PHACTR4: variants seen among roughly 807,000 people sequenced by gnomAD.
The protein encoded by PHACTR4 is protein phosphatase 1, regulatory subunit 124.
PHACTR4 carries 51 observed loss-of-function variants against 72.7 expected under a neutral mutation model. The observed-to-expected ratio is 0.70, with a 90% CI of 0.56 to 0.89. The LOEUF (loss-of-function observed/expected upper bound fraction) is 0.89, where lower values mean the gene tolerates loss of function less well. PHACTR4 is among the 40% of genes least tolerant of loss of function. The pLI is 0.00. For missense variants in PHACTR4, 731 were observed against 861.8 expected, an observed-to-expected ratio of 0.85 and a Z score of 1.90; for synonymous variants, 255 against 302.5, an observed-to-expected ratio of 0.84 and a Z score of 1.63.
At position 28,476,125 on chromosome 1, in the gene PHACTR4, AGAG is replaced by A. The variant is rs751366844; in HGVS notation, c.1444_1446del (p.Glu482del). ...TTGTTAGTCCAGACGATGAAGAAGAAGAGGAGCAAACCTGTCCATCCACATTCA... is the reference window on the plus strand; with the variant it reads ...TTGTTAGTCCAGACGATGAAGAAGAAGAGCAAACCTGTCCATCCACATTCA... On this transcript the variant is annotated inframe_deletion, in exon 8 of 14. Transcript: ENST00000373839. 2 of 1,604,342 alleles carry A rather than the reference AGAG, an allele frequency of 1.2e-6. No individual in the cohort carries two copies. Among genetic ancestry groups the A allele is most frequent in the Non-Finnish European group, 1.7e-6 (2 of 1,177,724 alleles).
chr1:28,479,419 CAAAAA>C lies in PHACTR4; in HGVS notation c.1607-1019_1607-1015del, dbSNP rs1019186726. ...GGGGTCACAGAGCGAGACTCTGTCGCAAAAAAAAAAAAAAAAAGCCAGGCATGGTG... is the reference window on the plus strand; with the variant it reads ...GGGGTCACAGAGCGAGACTCTGTCGCAAAAAAAAAAAAGCCAGGCATGGTG... On this transcript the variant is annotated intron_variant, in intron 8 of 13. Coordinates refer to ENST00000373839, the MANE Select transcript of PHACTR4 (RefSeq NM_001048183.3). 2.1e-3 allele frequency among the ~76,000 whole-genome samples: 129 copies of C among 61,584 alleles called. 2 individuals carry two copies. In the East Asian group the frequency reaches 0.056, roughly 27 times the overall value. 40.4% of individuals were successfully genotyped at this position (61,584 alleles called of 152,430 possible). A position where few individuals can be genotyped will look rare whatever the true frequency, so the allele number is the denominator to read the frequency against.
intron 2 of PHACTR4, among the ~76,000 whole-genome samples, chr1:28,408,521 T>G (rs1326099283): frequency 6.6e-6 from 1 of 152,108 alleles, no homozygotes; most frequent in African/African-American, 2.4e-5. Flanking sequence ...ATCATGCCAC[T>G]GCACTCCAGC....
At chr1:28,490,182 A>G (rs1286639260) in intron 10 of PHACTR4, among the ~76,000 whole-genome samples, 3 of 152,188 alleles carry the variant, frequency 2.0e-5, no homozygotes, top group African/African-American at 7.2e-5. Flanking sequence ...GTGGTGCCAT[A>G]GTTTGCTGAC....
chr1:28,496,395 A>G, intron 13 of PHACTR4, 139 bp from the exon 14 acceptor site: 1 of 897,610 alleles, frequency 1.1e-6, no homozygotes, highest in Non-Finnish European at 1.8e-6. Context: ...GGAGTATCAG[A>G]TGCAACAGAA....
chr1:28,473,599 C>T lies in PHACTR4; in HGVS notation c.869C>T (p.Pro290Leu), dbSNP rs200234997. Residue 290 changes from proline to leucine, a missense_variant, in exon 7 of 14, where the codon CCG becomes CTG. Pro to Leu is a moderately conservative substitution (Grantham distance 98). Coordinates refer to ENST00000373839, the MANE Select transcript of PHACTR4 (RefSeq NM_001048183.3). ...AINSGTLLSK[P>L]SPPLPPKRGI... Reference sequence around the variant, plus strand: ...AACAGTGGTACATTGTTATCAAAACCGTCCCCACCCTTACCACCTAAGAGA... The same window carrying T: ...AACAGTGGTACATTGTTATCAAAACTGTCCCCACCCTTACCACCTAAGAGA... The T allele has an allele frequency of 1.6e-4, 252 of 1,613,480 alleles. No individual in the cohort carries two copies. The highest frequency in any genetic ancestry group is 1.9e-4 in the Non-Finnish European group (229 of 1,179,724).
chr1:28,425,139 AG>A (rs1179219089), intron 2 of PHACTR4, among the ~76,000 whole-genome samples: 2 of 151,750 alleles, frequency 1.3e-5, no homozygotes, highest in Non-Finnish European at 1.5e-5. Context: ...CTTTATTTTG[AG>A]ACAGAGTCTC....
At chr1:28,426,767 C>G (rs1241100409) in intron 2 of PHACTR4, among the ~76,000 whole-genome samples, 1 of 150,272 alleles carries the variant, frequency 6.7e-6, no homozygotes, top group African/African-American at 2.5e-5. Flanking sequence ...CCACTGGTCT[C>G]AAACTCCTGG....
At chr1:28,390,718 CA>C (rs1305377500) in intron 1 of PHACTR4, among the ~76,000 whole-genome samples, 2 of 151,900 alleles carry the variant, frequency 1.3e-5, no homozygotes, top group Admixed American at 1.3e-4. Flanking sequence ...ACTTGAACCC[CA>C]GGGGTGGAGG....
Position 28,497,720 on chromosome 1 carries a change from C to T in PHACTR4, c.*1171C>T, listed in dbSNP as rs1412972680. On this transcript the variant is annotated 3_prime_UTR_variant, in exon 14 of 14. Coordinates refer to ENST00000373839, the MANE Select transcript of PHACTR4 (RefSeq NM_001048183.3). ...AAAAAAAAAAAGCCTTAGCCAGATTCAGTGGCTCACGCCTGTAATCCCAAC... is the reference window on the plus strand; with the variant it reads ...AAAAAAAAAAAGCCTTAGCCAGATTTAGTGGCTCACGCCTGTAATCCCAAC... 6.9e-6 allele frequency: 1 copy of T among 144,832 alleles called. No individual in the cohort carries two copies. Among genetic ancestry groups the T allele is most frequent in the Non-Finnish European group, 1.5e-5 (1 of 66,592 alleles). The allele number at this position is 144,832 out of a possible 1,614,324, so 9.0% of individuals were successfully genotyped here.
intron 2 of PHACTR4, among the ~76,000 whole-genome samples, chr1:28,447,554 T>A (rs1040800700): frequency 6.6e-6 from 1 of 151,872 alleles, no homozygotes; most frequent in African/African-American, 2.4e-5. Context: ...CATGCCTGGC[T>A]ATGTATTTCG....
chr1:28,458,170 C>G (rs545760925), intron 2 of PHACTR4, among the ~76,000 whole-genome samples: 1 of 150,472 alleles, frequency 6.6e-6, no homozygotes, highest in Non-Finnish European at 1.5e-5. Context: ...GAGACAGGCT[C>G]TCACTCTGTT....
At chr1:28,492,516 C>T (rs1158075962) in intron 12 of PHACTR4, among the ~76,000 whole-genome samples, 1 of 151,196 alleles carries the variant, frequency 6.6e-6, no homozygotes, top group African/African-American at 2.4e-5. Flanking sequence ...AATCCCAGCA[C>T]TTTGGGAGGC....
intron 1 of PHACTR4, among the ~76,000 whole-genome samples, chr1:28,402,499 C>G (rs1443863992): frequency 6.6e-6 from 1 of 152,030 alleles, no homozygotes; most frequent in Non-Finnish European, 1.5e-5. Context: ...TGTCTGTAAT[C>G]CCAACACTTT....
intron 1 of PHACTR4, among the ~76,000 whole-genome samples, chr1:28,392,494 C>G (rs1456560712): frequency 6.6e-6 from 1 of 151,902 alleles, no homozygotes; most frequent in Non-Finnish European, 1.5e-5. Context: ...CCTCCACCTC[C>G]TGAGCTCAAA....
intron 8 of PHACTR4, among the ~76,000 whole-genome samples, chr1:28,476,793 G>T (rs1398975411): frequency 4.9e-5 from 3 of 61,634 alleles, no homozygotes; most frequent in African/African-American, 2.6e-4. Flanking sequence ...TTTTTGAGAC[G>T]GAGTTTTGCT....
intron 9 of PHACTR4, among the ~76,000 whole-genome samples, chr1:28,487,730 T>TTTG (rs1557849807): frequency 1.5e-5 from 1 of 66,240 alleles, no homozygotes; most frequent in African/African-American, 6.2e-5. Flanking sequence ...TTTTGTTGTT[T>TTTG]TTTTTTTTTT....
intron 5 of PHACTR4, 139 bp downstream of exon 5, chr1:28,465,988 C>A: frequency 1.2e-6 from 1 of 846,278 alleles, no homozygotes. Context: ...CTAGCAACTT[C>A]AAGGGGAATT....
chr1:28,375,728 A>G (rs1212957327), intron 1 of PHACTR4, among the ~76,000 whole-genome samples: 1 of 152,058 alleles, frequency 6.6e-6, no homozygotes, highest in African/African-American at 2.4e-5. Context: ...GAGAGAAGGG[A>G]ATGGATGGAT....
rs537197573 is a variant in PHACTR4, at chr1:28,446,900, G to C, written c.17-12185G>C. 3.9e-5 allele frequency among the ~76,000 whole-genome samples: 6 copies of C among 152,174 alleles called. No individual in the cohort carries two copies. The South Asian group carries it at 1.0e-3, about 26-fold the overall frequency. ...ATTGTAAGTTCCTGCAGCTTCCCCC[G>C]AAGCCAGGCAGATACTAGCATCATT... On this transcript the variant is annotated intron_variant, in intron 2 of 13. Coordinates refer to ENST00000373839, the MANE Select transcript of PHACTR4 (RefSeq NM_001048183.3).
Sources: allele counts gnomAD v4.1 joint callset (sites outside exome capture counted in the v4.1 genomes callset), GRCh38; gene constraint gnomAD v4.1.1; transcripts MANE v1.5; gene names NCBI Gene and HGNC (gene_info 2026-07-23, HGNC 2026-07-21).